Variants in SV2B observed in about 807,000 individuals in gnomAD.
SV2B encodes solute carrier family 22 member B2.
Under a neutral mutation model 73.9 loss-of-function variants are expected in SV2B, and 41 were observed. The observed-to-expected ratio is 0.56, with a 90% CI of 0.43 to 0.72. SV2B has a LOEUF of 0.72. SV2B is among the 30% of genes least tolerant of loss of function. SV2B has a pLI of 0.00. For missense variants in SV2B, 764 were observed against 857.8 expected (o/e 0.89, Z 1.37); for synonymous variants, 314 against 314.2 (o/e 1.00, Z 0.01).
chr15:91,177,598 G>T (rs2044365737), intron 1 of SV2B, among the ~76,000 whole-genome samples: 1 of 143,084 alleles, frequency 7.0e-6, no homozygotes, highest in African/African-American at 2.8e-5. Flanking sequence ...TCCTTGAAGA[G>T]GTCCTTCACG....
chr15:91,248,994 G>T (rs2047365805), intron 2 of SV2B, among the ~76,000 whole-genome samples: 1 of 151,492 alleles, frequency 6.6e-6, no homozygotes, highest in East Asian at 1.9e-4. Context: ...CAGTTTATGG[G>T]CCCATACACA....
chr15:91,251,003 C>T (rs574990113), intron 2 of SV2B, among the ~76,000 whole-genome samples: 11 of 152,008 alleles, frequency 7.2e-5, no homozygotes, highest in Non-Finnish European at 1.5e-4. Context: ...GCAAAGCAGT[C>T]GAGCCAAAAG....
At position 91,231,675 on chromosome 15, in the gene SV2B, C is replaced by T. The variant is rs114015215; in HGVS notation, c.451+4961C>T. On this transcript the variant is annotated intron_variant, in intron 2 of 12. Transcript: ENST00000394232. The surrounding 1 kb of genome is among the most constrained non-coding windows in gnomAD (Gnocchi z 4.5). ...CTCAACCTGGAACTGTGGGCTATTC[C>T]CTACCTTCATGCCTATAATAGTGAG... is the stretch of plus-strand genomic sequence containing the variant. Among the ~76,000 whole-genome samples the T allele has an allele frequency of 2.0e-5, 3 of 152,146 alleles. No individual in the cohort carries two copies. Among genetic ancestry groups the T allele is most frequent in the Non-Finnish European group, 4.4e-5 (3 of 68,022 alleles).
At chr15:91,103,550 A>G (rs562520623) in intron 1 of SV2B, among the ~76,000 whole-genome samples, 36 of 152,332 alleles carry the variant, frequency 2.4e-4, no homozygotes, top group African/African-American at 8.7e-4. Context: ...TCTATCTTAT[A>G]GGCTTAACAT....
Position 91,290,384 on chromosome 15 carries a change from C to T in SV2B, c.1868+704C>T, listed in dbSNP as rs746042109. 3.5e-4 allele frequency among the ~76,000 whole-genome samples: 54 copies of T among 152,278 alleles called. No homozygotes were observed. Among genetic ancestry groups the T allele is most frequent in the Non-Finnish European group, 5.6e-4 (38 of 68,026 alleles). The stretch of plus-strand genomic sequence containing the variant: ...TATAGATAACTAAGGAAGAGCACAA[C>T]GTGTCATATTTGGAGCCCCTCTCAT... On this transcript the variant is annotated intron_variant, in intron 12 of 12. Coordinates refer to ENST00000394232, the MANE Select transcript of SV2B (RefSeq NM_001323032.3). This position sits in a 1 kb window ranked among gnomAD's most constrained non-coding sequence, Gnocchi z 4.7.
intron 1 of SV2B, among the ~76,000 whole-genome samples, chr15:91,211,253 C>A (rs1567348714): frequency 6.6e-6 from 1 of 152,166 alleles, no homozygotes; most frequent in Non-Finnish European, 1.5e-5. Context: ...CCAGAACTTC[C>A]TTCCTTGCTA....
intron 9 of SV2B, among the ~76,000 whole-genome samples, chr15:91,276,805 G>GTTGTTGTTATTA (rs528279430): frequency 1.8e-4 from 17 of 92,120 alleles, no homozygotes; most frequent in African/African-American, 5.7e-4. Context: ...TATTGTTGTT[G>GTTGTTGTTATTA]TTATTATTAT....
rs931038541 is a variant in SV2B at position 91,121,881 on chromosome 15, T to C, written c.-392+21518T>C. Among the ~76,000 whole-genome samples the C allele has an allele frequency of 6.6e-6, 1 of 151,878 alleles. No individual in the cohort carries two copies. The highest frequency in any genetic ancestry group is 1.5e-5 in the Non-Finnish European group (1 of 67,966). On this transcript the variant is annotated intron_variant, in intron 1 of 12. Coordinates refer to ENST00000394232, the MANE Select transcript of SV2B (RefSeq NM_001323032.3). This position sits in a 1 kb window ranked among gnomAD's most constrained non-coding sequence, Gnocchi z 4.4. Reference sequence around the variant, plus strand: ...GCTCTGCCTTCTGGGTTCACGCCATTCTCCTGCCTCAGCCTCCCGAGTAGC... The same window carrying C: ...GCTCTGCCTTCTGGGTTCACGCCATCCTCCTGCCTCAGCCTCCCGAGTAGC...
At chr15:91,138,059 G>A (rs975063221) in intron 1 of SV2B, among the ~76,000 whole-genome samples, 1 of 152,144 alleles carries the variant, frequency 6.6e-6, no homozygotes, top group African/African-American at 2.4e-5. Flanking sequence ...ATCACATGAA[G>A]AAAGACAAGA....
intron 1 of SV2B, among the ~76,000 whole-genome samples, chr15:91,185,327 T>A (rs2044729072): frequency 6.6e-6 from 1 of 152,244 alleles, no homozygotes. Context: ...CAGCATATTT[T>A]TGTGCTTCCT....
chr15:91,152,132 G>A (rs9672505), intron 1 of SV2B, among the ~76,000 whole-genome samples: 27,159 of 149,132 alleles, frequency 0.18, 4,417 homozygotes, highest in African/African-American at 0.44. Flanking sequence ...GAGCAAAAGA[G>A]CAAAGCTTCC....
Position 91,240,937 on chromosome 15 carries a change from T to A in SV2B, c.452-10882T>A, listed in dbSNP as rs1307362146. On this transcript the variant is annotated intron_variant, in intron 2 of 12. Transcript: ENST00000394232. The surrounding 1 kb of genome is among the most constrained non-coding windows in gnomAD (Gnocchi z 4.6). ...CTGGACATTTCCAGGCCATTCTCCC[T>A]CTCTCCTCACTAAAAGATCTCATAT... 6.6e-6 allele frequency among the ~76,000 whole-genome samples: 1 copy of A among 152,122 alleles called. No homozygotes were observed. Among genetic ancestry groups the A allele is most frequent in the African/African-American group, 2.4e-5 (1 of 41,424 alleles).
At chr15:91,125,496 G>A (rs2042450900) in intron 1 of SV2B, among the ~76,000 whole-genome samples, 1 of 152,082 alleles carries the variant, frequency 6.6e-6, no homozygotes, top group South Asian at 2.1e-4. Context: ...ATTTGGCCAG[G>A]CGCAGTGGCT....
intron 1 of SV2B, among the ~76,000 whole-genome samples, chr15:91,206,201 C>CTTTTTTTTTT (rs538615675): frequency 9.8e-6 from 1 of 101,922 alleles, no homozygotes; most frequent in African/African-American, 4.0e-5. Flanking sequence ...CCATGCCTGG[C>CTTTTTTTTTT]TTTTTTTTTT....
chr15:91,256,623 T>C (rs1300927778), intron 4 of SV2B, among the ~76,000 whole-genome samples: 1 of 152,172 alleles, frequency 6.6e-6, no homozygotes, highest in Admixed American at 6.5e-5. Context: ...GCTTTTTAAT[T>C]AAAATTAAAG....
At chr15:91,145,613 A>G (rs187164201) in intron 1 of SV2B, among the ~76,000 whole-genome samples, 72 of 152,336 alleles carry the variant, frequency 4.7e-4, no homozygotes, top group Non-Finnish European at 7.1e-4. Context: ...TCAACAGTGT[A>G]TAAGCATTCC....
chr15:91,125,934 GTGATGA>G (rs978647267), intron 1 of SV2B, among the ~76,000 whole-genome samples: 1 of 151,932 alleles, frequency 6.6e-6, no homozygotes, highest in Non-Finnish European at 1.5e-5. Flanking sequence ...AATGGTGGTG[GTGATGA>G]TGATGATGAT....
At position 91,251,883 on chromosome 15, in the gene SV2B, G is replaced by T. The variant is rs2141611921; in HGVS notation, c.516G>T (p.Leu172=). Residue 172 remains leucine (L), a synonymous_variant, in exon 3 of 13, where the codon CTG becomes CTT. Transcript: ENST00000394232. ...AFILGGLADK[L]GRKRVLSMSL... is the part of the protein sequence containing the mutation. ...TCCTGGGAGGCCTGGCTGATAAGCT[G>T]GGAAGGAAGCGAGTCCTCAGCATGT... The T allele has an allele frequency of 6.2e-7, 1 of 1,614,148 alleles. No homozygotes were observed. The highest frequency in any genetic ancestry group is 2.2e-5 in the East Asian group (1 of 44,882).
At chr15:91,247,322 T>G (rs1427393351) in intron 2 of SV2B, among the ~76,000 whole-genome samples, 1 of 152,248 alleles carries the variant, frequency 6.6e-6, no homozygotes, top group Non-Finnish European at 1.5e-5. Flanking sequence ...ATTCAACATC[T>G]AACTTGTAAA....
Sources: gnomAD v4.1 joint callset for allele counts (sites outside exome capture counted in the v4.1 genomes callset) on GRCh38, gnomAD v4.1.1 for gene constraint, Gnocchi (gnomAD v3.1) non-coding constraint, MANE v1.5 for transcripts, NCBI Gene and HGNC (gene_info 2026-07-23, HGNC 2026-07-21) for gene names.